Variants in EPS15 observed in about 807,000 individuals in gnomAD.
The protein encoded by EPS15 is epidermal growth factor receptor substrate 15.
EPS15 carries 72 observed loss-of-function variants against 113.8 expected under a neutral mutation model. That is an observed-to-expected ratio of 0.63 (90% CI 0.52 to 0.77). The LOEUF (loss-of-function observed/expected upper bound fraction) is 0.77, where lower values mean the gene tolerates loss of function less well. EPS15 is among the 30% of genes least tolerant of loss of function. EPS15 has a pLI of 0.00. For synonymous variants in EPS15, 344 were observed against 363.4 expected (o/e 0.95, Z 0.61); for missense variants, 1,048 against 1,045.8 (o/e 1.00, Z -0.03).
At chr1:51,463,268 G>C (rs923537252) in intron 7 of EPS15, 1 of 153,344 alleles carries the variant, frequency 6.5e-6, no homozygotes, top group Non-Finnish European at 1.5e-5. Flanking sequence ...GGAAGTACAA[G>C]TTAGAGAGAA....
intron 2 of EPS15, among the ~76,000 whole-genome samples, chr1:51,478,917 T>C (rs1187575810): frequency 1.3e-5 from 2 of 152,178 alleles, no homozygotes; most frequent in Admixed American, 6.5e-5. Context: ...CTTTGGTGAA[T>C]CTGACAATTA....
intron 12 of EPS15, among the ~76,000 whole-genome samples, chr1:51,439,468 G>A (rs1236918370): frequency 1.3e-5 from 2 of 152,020 alleles, no homozygotes; most frequent in Non-Finnish European, 2.9e-5. Flanking sequence ...CTGCTTCAAA[G>A]TGTTGTGAGG....
intron 12 of EPS15, among the ~76,000 whole-genome samples, chr1:51,429,775 C>T (rs191056889): frequency 5.3e-5 from 8 of 151,906 alleles, no homozygotes; most frequent in African/African-American, 1.7e-4. Flanking sequence ...CTCAGCCTTC[C>T]GAGTAGCTGG....
chr1:51,387,552 A>G (rs926567587), intron 21 of EPS15, among the ~76,000 whole-genome samples: 7 of 152,204 alleles, frequency 4.6e-5, no homozygotes. Flanking sequence ...AAGACCCATT[A>G]GTGTGCTGTA....
intron 12 of EPS15, among the ~76,000 whole-genome samples, chr1:51,428,555 A>AC (rs1651420927): frequency 6.6e-6 from 1 of 152,056 alleles, no homozygotes; most frequent in East Asian, 1.9e-4. Flanking sequence ...GGCCAGGTGC[A>AC]GTGGCTCACT....
chr1:51,461,367 A>G (rs1378875227), intron 7 of EPS15, among the ~76,000 whole-genome samples: 1 of 151,468 alleles, frequency 6.6e-6, no homozygotes, highest in Non-Finnish European at 1.5e-5. Flanking sequence ...GATAAAAATA[A>G]AAAATTAGCT....
intron 14 of EPS15, among the ~76,000 whole-genome samples, chr1:51,408,797 AT>A (rs34612487): frequency 0.036 from 3,975 of 109,534 alleles, 67 homozygotes; most frequent in Non-Finnish European, 0.048. Flanking sequence ...CTGGCTTTCA[AT>A]TTTTTTTTTT....
At chr1:51,416,772 T>C (rs1650259115) in intron 13 of EPS15, among the ~76,000 whole-genome samples, 1 of 151,750 alleles carries the variant, frequency 6.6e-6, no homozygotes, top group African/African-American at 2.4e-5. Context: ...TTTAACTCTG[T>C]ATTTTATATG....
At chr1:51,410,929 C>T (rs1649658567) in intron 13 of EPS15, among the ~76,000 whole-genome samples, 2 of 152,066 alleles carry the variant, frequency 1.3e-5, no homozygotes, top group Non-Finnish European at 2.9e-5. Context: ...GACAGATCTA[C>T]GAGTTAGGTA....
chr1:51,515,651 C>T (rs1252585644), intron 1 of EPS15, among the ~76,000 whole-genome samples: 1 of 152,144 alleles, frequency 6.6e-6, no homozygotes, highest in Non-Finnish European at 1.5e-5. Flanking sequence ...TTATCAAAGG[C>T]ACTAGAGATT....
intron 1 of EPS15, among the ~76,000 whole-genome samples, chr1:51,510,467 GATC>G (rs1417848137): frequency 6.6e-6 from 1 of 152,166 alleles, no homozygotes; most frequent in Non-Finnish European, 1.5e-5. Context: ...AATGTATGTA[GATC>G]ATCTAAAAGT....
intron 1 of EPS15, among the ~76,000 whole-genome samples, chr1:51,517,465 A>C (rs1644743181): frequency 6.6e-6 from 1 of 152,268 alleles, no homozygotes; most frequent in African/African-American, 2.4e-5. Context: ...CCAGGGAGAG[A>C]ATAAAGTATG....
intron 1 of EPS15, among the ~76,000 whole-genome samples, 175 bp from the exon 2 acceptor site, chr1:51,481,489 T>G (rs751611460): frequency 6.6e-6 from 1 of 152,228 alleles, no homozygotes; most frequent in South Asian, 2.1e-4. Flanking sequence ...TAGATAAAGA[T>G]AGTCACATGG....
chr1:51,507,996 T>C (rs1319953936), intron 1 of EPS15, among the ~76,000 whole-genome samples: 2 of 151,570 alleles, frequency 1.3e-5, no homozygotes, highest in Non-Finnish European at 2.9e-5. Flanking sequence ...GCCAACATGG[T>C]GAAAGCCCTC....
chr1:51,501,131 G>A (rs1340089724), intron 1 of EPS15, among the ~76,000 whole-genome samples: 2 of 152,128 alleles, frequency 1.3e-5, no homozygotes, highest in Non-Finnish European at 2.9e-5. Context: ...GTATTGGCTG[G>A]GTGTGGTGGC....
chr1:51,468,568 C>T lies in EPS15; in HGVS notation c.214G>A (p.Glu72Lys), dbSNP rs770332046. 1 of 1,607,572 alleles carries T rather than the reference C, an allele frequency of 6.2e-7. No individual in the cohort carries two copies. Among genetic ancestry groups the T allele is most frequent in the East Asian group, 2.2e-5 (1 of 44,820 alleles). The change falls in exon 5 of 25, where the codon GAA becomes AAA. Residue 72 changes from glutamate (E) to lysine (K), a missense_variant and splice_region_variant. Transcript: ENST00000371733. Reference protein sequence around the residue: ...TDGKGILNKQEFFVALRLVAC... With the variant: ...TDGKGILNKQKFFVALRLVAC... ...ACAAGACGCAAAGCAACAAAGAATT[C>T]CTAAGAAAGAAAAGTATGAATGTTA... is the stretch of plus-strand genomic sequence containing the variant.
intron 17 of EPS15, 128 bp downstream of exon 17, chr1:51,403,291 C>T (rs1648760966): frequency 2.2e-6 from 1 of 457,574 alleles, no homozygotes; most frequent in Non-Finnish European, 3.9e-6. Context: ...AAGGTGAAGT[C>T]GGGGCTTTTG....
At chr1:51,409,263 T>G (rs1452207978) in intron 14 of EPS15, among the ~76,000 whole-genome samples, 1 of 152,010 alleles carries the variant, frequency 6.6e-6, no homozygotes, top group Non-Finnish European at 1.5e-5. Flanking sequence ...TAAAGAAGGG[T>G]AACTGGGGGA....
chr1:51,457,225 T>G (rs1238772337), intron 8 of EPS15, among the ~76,000 whole-genome samples: 1 of 152,020 alleles, frequency 6.6e-6, no homozygotes, highest in Non-Finnish European at 1.5e-5. Flanking sequence ...AGGCGGAGCT[T>G]GCAGTGAGCT....
Sources: allele counts gnomAD v4.1 joint callset (sites outside exome capture counted in the v4.1 genomes callset), GRCh38; gene constraint gnomAD v4.1.1; transcripts MANE v1.5; gene names NCBI Gene and HGNC (gene_info 2026-07-23, HGNC 2026-07-21).